Variants in MAP4K4 observed in about 807,000 individuals in gnomAD.
The protein encoded by MAP4K4 is mitogen-activated protein kinase kinase kinase kinase 4, also known as HPK/GCK-like kinase HGK.
In MAP4K4, 38 loss-of-function variants were observed where a neutral mutation model predicts 189.6. The ratio of observed to expected loss-of-function variants is 0.20; its 90% CI spans 0.15 to 0.26. The LOEUF is 0.26. Among genes scored for constraint, MAP4K4 ranks in the 10% least tolerant of loss-of-function variants. MAP4K4 has a pLI of 1.00. For missense variants in MAP4K4, 1,054 were observed against 1,726.9 expected (o/e 0.61, Z 6.91); for synonymous variants, 610 against 624.3 (o/e 0.98, Z 0.34).
intron 2 of MAP4K4, among the ~76,000 whole-genome samples, chr2:101,761,517 AG>A (rs1426358806): frequency 6.7e-6 from 1 of 150,344 alleles, no homozygotes; most frequent in Non-Finnish European, 1.5e-5. Flanking sequence ...CTTTACAGGC[AG>A]GTAATTCAGT....
At chr2:101,720,996 T>C (rs2051560597) in intron 2 of MAP4K4, among the ~76,000 whole-genome samples, 1 of 152,234 alleles carries the variant, frequency 6.6e-6, no homozygotes, top group Non-Finnish European at 1.5e-5. Flanking sequence ...TTCAAAGCAC[T>C]GTACTGTGGC....
chr2:101,730,459 A>C (rs2057930313), intron 2 of MAP4K4, among the ~76,000 whole-genome samples: 1 of 152,156 alleles, frequency 6.6e-6, no homozygotes, highest in Non-Finnish European at 1.5e-5. Context: ...GGTTAAACTC[A>C]TGGCTAGCTA....
At chr2:101,853,719 C>T (rs551212569) in intron 12 of MAP4K4, among the ~76,000 whole-genome samples, 2 of 152,132 alleles carry the variant, frequency 1.3e-5, no homozygotes, top group South Asian at 2.1e-4. Context: ...TGTATGTGCA[C>T]ATACATACAT....
intron 10 of MAP4K4, among the ~76,000 whole-genome samples, chr2:101,841,855 T>C (rs1202766368): frequency 6.6e-6 from 1 of 152,174 alleles, no homozygotes; most frequent in Non-Finnish European, 1.5e-5. Context: ...GGTTTTTTGA[T>C]TGATTTCTGG....
At chr2:101,702,879 A>G (rs2039803074) in intron 2 of MAP4K4, among the ~76,000 whole-genome samples, 1 of 152,190 alleles carries the variant, frequency 6.6e-6, no homozygotes, top group Non-Finnish European at 1.5e-5. Context: ...TTCGATGCCC[A>G]TTTGACACTG....
At chr2:101,875,648 G>C (rs2098180260) in intron 26 of MAP4K4, among the ~76,000 whole-genome samples, 1 of 152,138 alleles carries the variant, frequency 6.6e-6, no homozygotes, top group Non-Finnish European at 1.5e-5. Context: ...TCCTTGTCTT[G>C]GTGAGTTTAT....
chr2:101,851,670 T>C (rs1010990796), intron 12 of MAP4K4, among the ~76,000 whole-genome samples: 54 of 151,240 alleles, frequency 3.6e-4, no homozygotes, highest in African/African-American at 1.1e-3. Context: ...CTCGATCTAG[T>C]TTACCACTTC....
intron 2 of MAP4K4, among the ~76,000 whole-genome samples, chr2:101,761,115 G>A (rs2076193624): frequency 6.6e-6 from 1 of 152,180 alleles, no homozygotes; most frequent in African/African-American, 2.4e-5. Flanking sequence ...CTTCTTCCTA[G>A]AACAGAATGT....
At chr2:101,866,218 C>T (rs1436466517) in intron 18 of MAP4K4, among the ~76,000 whole-genome samples, 6 of 152,164 alleles carry the variant, frequency 3.9e-5, no homozygotes, top group Admixed American at 3.3e-4. Flanking sequence ...GGTAGGATAT[C>T]ATTTAGCATA....
chr2:101,834,405 G>T lies in MAP4K4; in HGVS notation c.640-4G>T. ...ATCTGTAACGTACTGTTTTATTTTTGCAGAGTGATCTTTGGTCTTGTGGCA... is the reference window on the plus strand; with the variant it reads ...ATCTGTAACGTACTGTTTTATTTTTTCAGAGTGATCTTTGGTCTTGTGGCA... On this transcript the variant is annotated splice_polypyrimidine_tract_variant and splice_region_variant and intron_variant, in intron 7 of 32. Coordinates refer to ENST00000324219, the Ensembl canonical transcript of MAP4K4. The T allele has an allele frequency of 6.2e-7, 1 of 1,603,044 alleles. No individual in the cohort carries two copies. The highest frequency in any genetic ancestry group is 8.5e-7 in the Non-Finnish European group (1 of 1,173,296).
At chr2:101,873,434 T>TA (rs111756510) in intron 24 of MAP4K4, among the ~76,000 whole-genome samples, 15,428 of 152,210 alleles carry the variant, frequency 0.1, 1,359 homozygotes, top group African/African-American at 0.24. Context: ...CTGGTAGAGA[T>TA]ACGGCTCCTG....
rs939268171 is a variant in MAP4K4, at chr2:101,715,498, T to G, written c.123+16960T>G. Among the ~76,000 whole-genome samples the G allele has an allele frequency of 5.3e-5, 8 of 152,352 alleles. No homozygotes were observed. The East Asian group carries it at 7.7e-4, about 15-fold the overall frequency. Reference sequence around the variant, plus strand: ...TTAACTAACACAGGTAGAATATCCCTTATCTGAAATGCTTGGGACCAGAAG... The same window carrying G: ...TTAACTAACACAGGTAGAATATCCCGTATCTGAAATGCTTGGGACCAGAAG... On this transcript the variant is annotated intron_variant, in intron 2 of 32. Coordinates refer to ENST00000324219, the Ensembl canonical transcript of MAP4K4.
intron 12 of MAP4K4, among the ~76,000 whole-genome samples, chr2:101,848,718 C>T (rs1174977682): frequency 6.6e-6 from 1 of 152,022 alleles, no homozygotes; most frequent in African/African-American, 2.4e-5. Context: ...GAAATATGTA[C>T]ACTCCCACCC....
At chr2:101,698,587 A>C (rs2036019606) in intron 2 of MAP4K4, 49 bp downstream of exon 2, 2 of 1,561,496 alleles carry the variant, frequency 1.3e-6, no homozygotes, top group African/African-American at 1.4e-5. Context: ...GAAACTTCTT[A>C]TTGGGGGACG....
intron 2 of MAP4K4, among the ~76,000 whole-genome samples, chr2:101,768,592 T>G (rs2079807223): frequency 6.6e-6 from 1 of 152,212 alleles, no homozygotes; most frequent in Admixed American, 6.5e-5. Context: ...TAATACGTCT[T>G]TTACCCATCC....
rs907115174 is a variant in MAP4K4 at position 101,770,409 on chromosome 2, C to T, written c.124-20311C>T. 2.0e-4 allele frequency among the ~76,000 whole-genome samples: 31 copies of T among 151,906 alleles called. 1 individual carries two copies. The highest frequency in any genetic ancestry group is 6.6e-4 in the Admixed American group (10 of 15,258). ...GATTACAGGTGCCTGCCACCACACC[C>T]GGCTAATTTTTTGTATGTTAGTAGA... is the stretch of plus-strand genomic sequence containing the variant. On this transcript the variant is annotated intron_variant, in intron 2 of 32. Coordinates refer to ENST00000324219, the Ensembl canonical transcript of MAP4K4.
exon 1 of MAP4K4, chr2:101,698,117 A>C (rs528526971): frequency 7.8e-7 from 1 of 1,281,120 alleles, no homozygotes; most frequent in Admixed American, 2.3e-5. Flanking sequence ...TCTGGTGGAC[A>C]TCGACCTCTC....
At chr2:101,863,186 C>T (rs989204017) in intron 16 of MAP4K4, among the ~76,000 whole-genome samples, 5 of 152,150 alleles carry the variant, frequency 3.3e-5, no homozygotes, top group African/African-American at 1.2e-4. Context: ...TCTTTATTTT[C>T]ATCACTAATA....
chr2:101,851,724 C>CTTTTTTTTTTTTTTTTTTTTTTTTTTTTT (rs36217584), intron 12 of MAP4K4, among the ~76,000 whole-genome samples: 2 of 67,902 alleles, frequency 2.9e-5, no homozygotes, highest in Admixed American at 2.2e-4. Context: ...TAACTGTCCT[C>CTTTTTTTTTTTTTTTTTTTTTTTTTTTTT]TTTTTTTTTT....
Sources: gnomAD v4.1 joint callset for allele counts (sites outside exome capture counted in the v4.1 genomes callset) on GRCh38, gnomAD v4.1.1 for gene constraint, MANE v1.5 for transcripts, NCBI Gene and HGNC (gene_info 2026-07-23, HGNC 2026-07-21) for gene names.